STK3: variants seen among roughly 807,000 people sequenced by gnomAD.
STK3 encodes serine/threonine-protein kinase 3.
Under a neutral mutation model 58.0 loss-of-function variants are expected in STK3, and 41 were observed. The ratio of observed to expected loss-of-function variants is 0.71; its 90% CI spans 0.55 to 0.92. The LOEUF is 0.92. Ranked by LOEUF, STK3 falls within the 40% of genes least tolerant of loss-of-function variation. The probability of loss-of-function intolerance (pLI) is 0.00; values close to 1 mark genes in which losing one functional copy is unlikely to be tolerated. For synonymous variants in STK3, 170 were observed against 191.0 expected (o/e 0.89, Z 0.91); for missense variants, 479 against 602.7 (o/e 0.79, Z 2.15).
At chr8:98,710,616 G>A (rs1430587655) in intron 4 of STK3, among the ~76,000 whole-genome samples, 7 of 152,224 alleles carry the variant, frequency 4.6e-5, no homozygotes, top group African/African-American at 7.2e-5. Flanking sequence ...CATTGCCCAG[G>A]CTTGAGTAGG....
intron 6 of STK3, among the ~76,000 whole-genome samples, chr8:98,631,808 G>A (rs1337411506): frequency 6.6e-6 from 1 of 152,204 alleles, no homozygotes; most frequent in Non-Finnish European, 1.5e-5. Context: ...GGGACTACAG[G>A]CATACGCCAC....
At position 98,761,282 on chromosome 8, in the gene STK3, G is replaced by A. The variant is rs1197686252; in HGVS notation, c.236+5961C>T. On this transcript the variant is annotated intron_variant, in intron 3 of 10. Transcript: ENST00000419617. Reference sequence around the variant, plus strand: ...TGGGACTACAGGCACGTGCCACCATGCCTGGTGAATTTTTGTATTTTTTTT... The same window carrying A: ...TGGGACTACAGGCACGTGCCACCATACCTGGTGAATTTTTGTATTTTTTTT... 2.0e-5 allele frequency among the ~76,000 whole-genome samples: 3 copies of A among 151,940 alleles called. No individual in the cohort carries two copies. The East Asian group carries it at 5.8e-4, about 29-fold the overall frequency.
chr8:98,370,214 G>C (rs1341682576), downstream of STK3, among the ~76,000 whole-genome samples: 1 of 150,622 alleles, frequency 6.6e-6, no homozygotes, highest in Admixed American at 6.7e-5. Context: ...GGTCTTTAAT[G>C]TTTGTTGGGT....
intron 1 of STK3, among the ~76,000 whole-genome samples, chr8:98,906,884 A>C (rs1001926481): frequency 1.3e-5 from 2 of 151,992 alleles, no homozygotes; most frequent in African/African-American, 4.8e-5. Context: ...GTGGAGGCTC[A>C]CGCCTGTAAT....
In STK3 at chr8:98,434,279, A is replaced by C. The variant is rs747084314; in HGVS notation, n.331T>G. ...TCACCACAGTCTTTGCGTTCCATCA[A>C]GTGGGGTGTAGCTCAGCTCCTCCCC... On this transcript the variant is annotated non_coding_transcript_exon_variant, in exon 3 of 4. Coordinates refer to the STK3 transcript ENST00000517832. 126 of 152,300 alleles carry C rather than the reference A, an allele frequency of 8.3e-4. 1 individual carries two copies. Among genetic ancestry groups the C allele is most frequent in the Non-Finnish European group, 1.5e-3 (100 of 68,128 alleles). The allele number at this position is 152,300 out of a possible 1,614,324, so 9.4% of individuals were successfully genotyped here.
At chr8:98,670,310 C>T (rs886795700) in intron 6 of STK3, among the ~76,000 whole-genome samples, 15 of 152,062 alleles carry the variant, frequency 9.9e-5, no homozygotes, top group Non-Finnish European at 2.2e-4. Context: ...TGCAGTGAAC[C>T]GTGATCGCAC....
chr8:98,888,046 C>T (rs945674923), intron 1 of STK3, among the ~76,000 whole-genome samples: 1 of 152,146 alleles, frequency 6.6e-6, no homozygotes, highest in African/African-American at 2.4e-5. Context: ...GGGCCAGACA[C>T]AGTGGCTGAC....
At chr8:98,939,224 A>C (rs2132060530) in intron 1 of STK3, among the ~76,000 whole-genome samples, 1 of 152,328 alleles carries the variant, frequency 6.6e-6, no homozygotes, top group East Asian at 1.9e-4. Flanking sequence ...GTAGGGACGG[A>C]GGAGGAGAGA....
Position 98,706,575 on chromosome 8 carries a change from C to G in STK3, c.576G>C (p.Val192=). The G allele has an allele frequency of 1.2e-6, 2 of 1,613,634 alleles. No individual in the cohort carries two copies. The highest frequency in any genetic ancestry group is 1.7e-6 in the Non-Finnish European group (2 of 1,179,768). The change falls in exon 6 of 11, where the codon GTG becomes GTC. Residue 192 remains valine, a synonymous_variant. Transcript: ENST00000419617. ...CACAGTTATAGCCTATTTCTTGAAT[C>G]ACCTCAGGAGCCATCCAAAATGGAG... is the stretch of plus-strand genomic sequence containing the variant. ...IGTPFWMAPE[V]IQEIGYNCVA...
At chr8:98,627,299 A>T (rs1483670553) in intron 6 of STK3, among the ~76,000 whole-genome samples, 1 of 152,058 alleles carries the variant, frequency 6.6e-6, no homozygotes, top group African/African-American at 2.4e-5. Context: ...GTATCACTTG[A>T]GGTCAGGAGT....
At chr8:98,501,522 G>A (rs1276729070) in intron 10 of STK3, among the ~76,000 whole-genome samples, 2 of 152,176 alleles carry the variant, frequency 1.3e-5, no homozygotes, top group African/African-American at 4.8e-5. Flanking sequence ...TTCTTCTAGG[G>A]TTTTTATGGT....
chr8:98,451,782 G>A (rs1352223513), downstream of STK3, among the ~76,000 whole-genome samples: 4 of 151,478 alleles, frequency 2.6e-5, no homozygotes, highest in Non-Finnish European at 4.4e-5. Flanking sequence ...CAGACTGCCC[G>A]ACCAGGGTCT....
intron 1 of STK3, among the ~76,000 whole-genome samples, chr8:98,779,275 C>T (rs1831930602): frequency 6.6e-6 from 1 of 152,206 alleles, no homozygotes; most frequent in East Asian, 1.9e-4. Context: ...GGTAATGCCA[C>T]TGTGCTGCTT....
chr8:98,789,854 C>T (rs1214334526), intron 1 of STK3, among the ~76,000 whole-genome samples: 1 of 152,032 alleles, frequency 6.6e-6, no homozygotes, highest in African/African-American at 2.4e-5. Flanking sequence ...TGGTGAAACC[C>T]TGTCTCTACT....
chr8:98,530,788 T>C (rs1826115720), intron 9 of STK3, among the ~76,000 whole-genome samples: 2 of 152,240 alleles, frequency 1.3e-5, no homozygotes, highest in African/African-American at 4.8e-5. Flanking sequence ...CTTTATCAAC[T>C]GAGTTTATGG....
intron 3 of STK3, 122 bp from the exon 4 acceptor site, chr8:98,749,512 T>C: frequency 2.1e-6 from 1 of 467,322 alleles, no homozygotes; most frequent in Non-Finnish European, 3.8e-6. Context: ...AGTAAATTTC[T>C]ATTGCACATC....
downstream of STK3, among the ~76,000 whole-genome samples, chr8:98,371,202 T>C (rs1817606927): frequency 6.6e-6 from 1 of 152,256 alleles, no homozygotes; most frequent in African/African-American, 2.4e-5. Context: ...GTGTAGTAGG[T>C]GCTCAATAAA....
chr8:98,374,646 AAAAACATCAGCT>A (rs1174198682), intron 2 of STK3, among the ~76,000 whole-genome samples: 1 of 152,178 alleles, frequency 6.6e-6, no homozygotes, highest in Non-Finnish European at 1.5e-5. Flanking sequence ...GCAGTGTGTG[AAAAACATCAGCT>A]AAAACAGATC....
intron 1 of STK3, among the ~76,000 whole-genome samples, chr8:98,930,437 C>G (rs1220650041): frequency 6.6e-6 from 1 of 152,142 alleles, no homozygotes; most frequent in African/African-American, 2.4e-5. Flanking sequence ...CTGAATAATA[C>G]AGTTCACAAG....
Sources: allele counts gnomAD v4.1 joint callset (sites outside exome capture counted in the v4.1 genomes callset), GRCh38; gene constraint gnomAD v4.1.1; transcripts MANE v1.5; gene names NCBI Gene and HGNC (gene_info 2026-07-23, HGNC 2026-07-21).